ANKRD6: variants seen among roughly 807,000 people sequenced by gnomAD.
The protein encoded by ANKRD6 is ankyrin repeat domain-containing protein 6.
In ANKRD6, 56 loss-of-function variants were observed where a neutral mutation model predicts 82.3. The ratio of observed to expected loss-of-function variants is 0.68; its 90% CI spans 0.55 to 0.85. ANKRD6 has a LOEUF of 0.85. Ranked by LOEUF, ANKRD6 falls within the 40% of genes least tolerant of loss-of-function variation. The pLI is 0.00. For synonymous variants in ANKRD6, 347 were observed against 352.1 expected (o/e 0.99, Z 0.16); for missense variants, 852 against 907.6 (o/e 0.94, Z 0.79).
At chr6:89,612,438 G>A in intron 6 of ANKRD6, 68 bp downstream of exon 6, 1 of 1,407,044 alleles carries the variant, frequency 7.1e-7, no homozygotes, top group Non-Finnish European at 9.8e-7. Context: ...AACTTCATGA[G>A]CATACTTGAA....
intron 9 of ANKRD6, among the ~76,000 whole-genome samples, chr6:89,620,675 C>T (rs1802883770): frequency 6.6e-6 from 1 of 152,204 alleles, no homozygotes; most frequent in African/African-American, 2.4e-5. Flanking sequence ...GGTAGGGAAG[C>T]ACCTGACAGT....
chr6:89,523,344 A>G (rs1277876943), intron 1 of ANKRD6, among the ~76,000 whole-genome samples: 1 of 152,252 alleles, frequency 6.6e-6, no homozygotes, highest in Admixed American at 6.5e-5. Context: ...ATTTGCCTTC[A>G]AAGACTGTCA....
intron 1 of ANKRD6, among the ~76,000 whole-genome samples, chr6:89,466,797 CCCAGGCTCAAGCAAT>C (rs1160735072): frequency 1.3e-5 from 2 of 152,148 alleles, no homozygotes; most frequent in Non-Finnish European, 2.9e-5. Flanking sequence ...GCCTCAACCT[CCCAGGCTCAAGCAAT>C]CCTCTCACCT....
intron 1 of ANKRD6, among the ~76,000 whole-genome samples, chr6:89,499,640 C>T (rs929919292): frequency 6.6e-6 from 1 of 152,076 alleles, no homozygotes; most frequent in African/African-American, 2.4e-5. Flanking sequence ...AGTGCCGTAC[C>T]ACAAATGTTC....
At chr6:89,608,537 A>G (rs990621355) in intron 5 of ANKRD6, among the ~76,000 whole-genome samples, 8 of 151,902 alleles carry the variant, frequency 5.3e-5, no homozygotes, top group Non-Finnish European at 1.2e-4. Context: ...CAGACCTTGC[A>G]TGCTGCAGGA....
chr6:89,590,711 C>T (rs1443489685), intron 2 of ANKRD6, among the ~76,000 whole-genome samples: 3 of 152,094 alleles, frequency 2.0e-5, no homozygotes, highest in Non-Finnish European at 4.4e-5. Flanking sequence ...CAGGGCAGCA[C>T]ACAGAGTGGT....
In ANKRD6 at chr6:89,491,132, C is replaced by T. The variant is rs75981246; in HGVS notation, c.-144+57757C>T. Among the ~76,000 whole-genome samples, 762 of 152,238 alleles carry T rather than the reference C, an allele frequency of 5.0e-3. 2 individuals carry two copies. Among genetic ancestry groups the T allele is most frequent in the African/African-American group, 0.018 (733 of 41,542 alleles). ...AGCTTCCAGAGGGAACACAGCTCCG[C>T]CGACAACTTCATTTTGGACTCCTGG... is the stretch of plus-strand genomic sequence containing the variant. On this transcript the variant is annotated intron_variant, in intron 1 of 15. Coordinates refer to ENST00000339746, the MANE Select transcript of ANKRD6 (RefSeq NM_001242809.2).
chr6:89,633,622 T>C lies in ANKRD6; in HGVS notation c.*2618T>C, dbSNP rs1807837044. ...AGTATACTAAATATCTGTGATTAAA[T>C]AAATTAGTTCTAACTTTTGATTTTG... is the stretch of plus-strand genomic sequence containing the variant. On this transcript the variant is annotated 3_prime_UTR_variant, in exon 16 of 16. Coordinates refer to ENST00000339746, the MANE Select transcript of ANKRD6 (RefSeq NM_001242809.2). 6.6e-6 allele frequency: 1 copy of C among 152,232 alleles called. No homozygotes were observed. Among genetic ancestry groups the C allele is most frequent in the Non-Finnish European group, 1.5e-5 (1 of 68,034 alleles). The allele number at this position is 152,232 out of a possible 1,614,324, so 9.4% of individuals were successfully genotyped here.
chr6:89,522,409 T>C (rs1296526724), intron 1 of ANKRD6, among the ~76,000 whole-genome samples: 2 of 152,200 alleles, frequency 1.3e-5, no homozygotes, highest in Non-Finnish European at 2.9e-5. Flanking sequence ...AACTGCCAAA[T>C]ACCTTTCTGT....
intron 1 of ANKRD6, among the ~76,000 whole-genome samples, chr6:89,484,231 T>G (rs1562607812): frequency 6.6e-6 from 1 of 152,168 alleles, no homozygotes; most frequent in East Asian, 1.9e-4. Context: ...TTGAAGTGTT[T>G]TTTCTTTTTT....
At position 89,521,498 on chromosome 6, in the gene ANKRD6, G is replaced by GGGCA. The variant is rs1781885419; in HGVS notation, c.-143-45335_-143-45332dup. ...TTAAGAATTGTGAATTTTATCCTAA[G>GGGCA]GGCAACCAATATGCTGGAAAGTTTT... On this transcript the variant is annotated intron_variant, in intron 1 of 15. Transcript: ENST00000339746. Among the ~76,000 whole-genome samples, 3 of 152,224 alleles carry GGGCA rather than the reference G, an allele frequency of 2.0e-5. No individual in the cohort carries two copies. The South Asian group carries it at 6.2e-4, about 32-fold the overall frequency.
At chr6:89,449,152 A>AAG (rs749326048) in intron 1 of ANKRD6, among the ~76,000 whole-genome samples, 8 of 152,208 alleles carry the variant, frequency 5.3e-5, no homozygotes, top group Non-Finnish European at 1.2e-4. Context: ...TCACCTTTGT[A>AAG]GATGCCATTA....
chr6:89,566,905 C>G lies in ANKRD6; in HGVS notation c.-72C>G. ...ACATCTTTACCTCTGGGTGCCAGGC[C>G]GGGCCAGTGACTTCGTGTTGAGCTG... On this transcript the variant is annotated 5_prime_UTR_variant, in exon 2 of 16. Coordinates refer to ENST00000339746, the MANE Select transcript of ANKRD6 (RefSeq NM_001242809.2). The G allele has an allele frequency of 2.0e-6, 3 of 1,536,026 alleles. No homozygotes were observed. In the South Asian group the frequency reaches 3.6e-5, roughly 19 times the overall value.
intron 1 of ANKRD6, among the ~76,000 whole-genome samples, chr6:89,530,601 A>G (rs987576969): frequency 4.6e-5 from 7 of 152,158 alleles, no homozygotes; most frequent in African/African-American, 9.7e-5. Flanking sequence ...CAGACCATCA[A>G]TGGTGTTCAT....
intron 1 of ANKRD6, among the ~76,000 whole-genome samples, chr6:89,457,799 T>C (rs923534269): frequency 4.6e-5 from 7 of 152,182 alleles, no homozygotes; most frequent in African/African-American, 1.7e-4. Flanking sequence ...AGTTTTTTGG[T>C]CTGCTGTAAA....
intron 1 of ANKRD6, among the ~76,000 whole-genome samples, chr6:89,559,171 C>T (rs748265356): frequency 3.3e-5 from 5 of 152,204 alleles, no homozygotes; most frequent in Non-Finnish European, 5.9e-5. Context: ...CTGACTGCCA[C>T]CTCATTTTCT....
chr6:89,474,216 G>C (rs1775796550), intron 1 of ANKRD6, among the ~76,000 whole-genome samples: 1 of 152,200 alleles, frequency 6.6e-6, no homozygotes, highest in South Asian at 2.1e-4. Context: ...ACTGCCTATA[G>C]ATTCTTCCAG....
chr6:89,608,657 T>C (rs1799433657), intron 5 of ANKRD6, among the ~76,000 whole-genome samples: 2 of 152,038 alleles, frequency 1.3e-5, no homozygotes, highest in Admixed American at 1.3e-4. Flanking sequence ...CTCACTACTT[T>C]TCCATTGGTT....
At chr6:89,474,286 C>A (rs1775806328) in intron 1 of ANKRD6, among the ~76,000 whole-genome samples, 1 of 152,290 alleles carries the variant, frequency 6.6e-6, no homozygotes, top group East Asian at 1.9e-4. Context: ...CTACACAGCT[C>A]ACCCAACTTC....
Sources: allele counts gnomAD v4.1 joint callset (sites outside exome capture counted in the v4.1 genomes callset), GRCh38; gene constraint gnomAD v4.1.1; transcripts MANE v1.5; gene names NCBI Gene and HGNC (gene_info 2026-07-23, HGNC 2026-07-21).